EHD3: variants seen among roughly 807,000 people sequenced by gnomAD.
EHD3 encodes the protein EH domain-containing protein 3.
A neutral mutation model predicts 43.0 loss-of-function variants in EHD3; 17 were observed. The observed-to-expected ratio is 0.40, with a 90% CI of 0.27 to 0.59. The LOEUF is 0.59. Ranked by LOEUF, EHD3 falls within the 20% of genes least tolerant of loss-of-function variation. The probability of loss-of-function intolerance (pLI) is 0.49; values close to 1 mark genes in which losing one functional copy is unlikely to be tolerated. For synonymous variants in EHD3, 313 were observed against 289.5 expected (o/e 1.08, Z -0.82); for missense variants, 594 against 705.6 (o/e 0.84, Z 1.79).
chr2:31,244,105 A>G (rs954188676), intron 1 of EHD3, among the ~76,000 whole-genome samples, 169 bp from the exon 2 acceptor site: 4 of 152,142 alleles, frequency 2.6e-5, no homozygotes, highest in African/African-American at 9.7e-5. Context: ...CACCTCCTCT[A>G]CAAAGTTCTT....
Position 31,267,859 on chromosome 2 carries a change from C to G in EHD3, c.*1155C>G, listed in dbSNP as rs1683986035. ...GGCCAGCATTTGGTGGCCCATCAGTCTGGCCATCTGTCACGTCACAGAAGC... is the reference window on the plus strand; with the variant it reads ...GGCCAGCATTTGGTGGCCCATCAGTGTGGCCATCTGTCACGTCACAGAAGC... On this transcript the variant is annotated 3_prime_UTR_variant, in exon 6 of 6. Transcript: ENST00000322054. 6.6e-6 allele frequency: 1 copy of G among 152,278 alleles called. No individual in the cohort carries two copies. The highest frequency in any genetic ancestry group is 2.1e-4 in the South Asian group (1 of 4,828). The allele number at this position is 152,278 out of a possible 1,614,324, so 9.4% of individuals were successfully genotyped here.
At position 31,234,492 on chromosome 2, in the gene EHD3, G is replaced by T. The variant is rs145941772; in HGVS notation, c.-130G>T. 2.9e-6 allele frequency: 3 copies of T among 1,048,136 alleles called. No homozygotes were observed. Among genetic ancestry groups the T allele is most frequent in the Middle Eastern group, 2.5e-4 (1 of 4,066 alleles). The allele number at this position is 1,048,136 out of a possible 1,614,324, so 64.9% of individuals were successfully genotyped here. ...CCTAGCCGCGTGCCCGGGCCATGGT[G>T]CGGCTGAGCCCCGCGCTTGGGTGAG... On this transcript the variant is annotated 5_prime_UTR_variant, in exon 1 of 6. Transcript: ENST00000322054.
At chr2:31,256,717 C>T (rs986756280) in intron 3 of EHD3, among the ~76,000 whole-genome samples, 1 of 152,224 alleles carries the variant, frequency 6.6e-6, no homozygotes, top group African/African-American at 2.4e-5. Flanking sequence ...TCTCTTACAT[C>T]GCTGGTGTCA....
At chr2:31,255,932 G>A (rs142160432) in intron 3 of EHD3, among the ~76,000 whole-genome samples, 8 of 152,284 alleles carry the variant, frequency 5.3e-5, no homozygotes, top group African/African-American at 1.9e-4. Flanking sequence ...CTCTCTTGCT[G>A]TGCCTGCAAA....
At chr2:31,257,579 G>A (rs1231294511) in intron 3 of EHD3, among the ~76,000 whole-genome samples, 1 of 152,170 alleles carries the variant, frequency 6.6e-6, no homozygotes, top group Non-Finnish European at 1.5e-5. Context: ...CCCTGGAAGT[G>A]AGAACGATAC....
chr2:31,234,657 G>A lies in EHD3; in HGVS notation c.36G>A (p.Arg12=), dbSNP rs750818797. 2 of 1,614,168 alleles carry A rather than the reference G, an allele frequency of 1.2e-6. No homozygotes were observed. Among genetic ancestry groups the A allele is most frequent in the Non-Finnish European group, 1.7e-6 (2 of 1,180,026 alleles). ...GGCTGGGTACGGACGACCGCCGGAG[G>A]AAGGACCCCGAGGTTTTCCAGACGG... ...FSWLGTDDRR[R]KDPEVFQTVS... The change falls in exon 1 of 6, where the codon AGG becomes AGA. Residue 12 remains arginine (R), a synonymous_variant. Transcript: ENST00000322054.
In EHD3 at chr2:31,234,479, C is replaced by CCGCGTG. The variant is rs776910672; in HGVS notation, c.-142_-141insGCGTGC. The CCGCGTG allele has an allele frequency of 2.3e-3, 2,071 of 900,708 alleles. 9 individuals are homozygous for CCGCGTG. The highest frequency in any genetic ancestry group is 2.6e-3 in the Non-Finnish European group (1,600 of 603,862). 55.8% of individuals were successfully genotyped at this position (900,708 alleles called of 1,614,324 possible). On this transcript the variant is annotated 5_prime_UTR_variant, in exon 1 of 6. Coordinates refer to ENST00000322054, the MANE Select transcript of EHD3 (RefSeq NM_014600.3). ...CGCTCCCGGCCCTCCTAGCCGCGTG[C>CCGCGTG]CCGGGCCATGGTGCGGCTGAGCCCC...
intron 3 of EHD3, among the ~76,000 whole-genome samples, chr2:31,256,486 A>T (rs924390229): frequency 2.0e-5 from 3 of 152,194 alleles, no homozygotes; most frequent in African/African-American, 7.2e-5. Context: ...TGTGTGCCAC[A>T]CACCGTGCTG....
At chr2:31,240,730 G>A (rs1683406895) in intron 1 of EHD3, among the ~76,000 whole-genome samples, 1 of 152,212 alleles carries the variant, frequency 6.6e-6, no homozygotes, top group African/African-American at 2.4e-5. Context: ...ACGCCTGTGT[G>A]AGAAGGATCC....
intron 1 of EHD3, among the ~76,000 whole-genome samples, chr2:31,242,016 G>C (rs115911875): frequency 0.017 from 2,569 of 152,320 alleles, 75 homozygotes; most frequent in African/African-American, 0.058. Context: ...TGTGTGGCGG[G>C]TGGCCTTTGG....
In EHD3 at chr2:31,260,548, C is replaced by T. The variant is rs1355769114; in HGVS notation, c.541C>T (p.Arg181Trp). ...FAAVLEWFAE[R>W]VDRIILLFDA... Reference sequence around the variant, plus strand: ...AGCTGTCCTTGAGTGGTTTGCCGAGCGGGTTGACCGCATCATTCTGCTCTT... The same window carrying T: ...AGCTGTCCTTGAGTGGTTTGCCGAGTGGGTTGACCGCATCATTCTGCTCTT... Residue 181 changes from arginine to tryptophan, a missense_variant, in exon 4 of 6, where the codon CGG (arginine) becomes TGG (tryptophan). By Grantham distance (101) the Arg-to-Trp change is moderately radical. Transcript: ENST00000322054. The surrounding 1 kb of genome is among the most constrained non-coding windows in gnomAD (Gnocchi z 4.6). 6.2e-6 allele frequency: 10 copies of T among 1,611,516 alleles called. No homozygotes were observed. The highest frequency in any genetic ancestry group is 4.0e-5 in the African/African-American group (3 of 74,860).
intron 1 of EHD3, among the ~76,000 whole-genome samples, chr2:31,243,457 TTTC>T (rs1322115865): frequency 5.2e-4 from 59 of 112,518 alleles, no homozygotes; most frequent in African/African-American, 1.8e-3. Flanking sequence ...TCTTTCTTTC[TTTC>T]TTTTTTTTTT....
chr2:31,245,735 G>GTTTTT (rs765195110), intron 2 of EHD3, among the ~76,000 whole-genome samples: 40 of 68,312 alleles, frequency 5.9e-4, no homozygotes, highest in African/African-American at 1.5e-3. Flanking sequence ...CTAATTTTGT[G>GTTTTT]TTTTTTTTTT....
intron 3 of EHD3, among the ~76,000 whole-genome samples, chr2:31,255,543 C>A (rs1683733840): frequency 6.6e-6 from 1 of 152,198 alleles, no homozygotes; most frequent in South Asian, 2.1e-4. Context: ...TATACCATAC[C>A]CTTTTTCTTA....
intron 1 of EHD3, among the ~76,000 whole-genome samples, chr2:31,236,243 C>G (rs1305018035): frequency 6.6e-6 from 1 of 152,194 alleles, no homozygotes; most frequent in Non-Finnish European, 1.5e-5. Context: ...GCCTAGGGCT[C>G]AGCAGCTTTA....
At chr2:31,249,557 G>A in intron 3 of EHD3, 89 bp downstream of exon 3, 1 of 1,190,550 alleles carries the variant, frequency 8.4e-7, no homozygotes. Context: ...AGCACCCAGG[G>A]CCATGCTGTC....
chr2:31,247,123 C>T (rs1683538183), intron 2 of EHD3, among the ~76,000 whole-genome samples: 1 of 152,152 alleles, frequency 6.6e-6, no homozygotes, highest in African/African-American at 2.4e-5. Flanking sequence ...TCACAAACTC[C>T]TGGCCTCAAG....
chr2:31,237,353 A>G (rs944141484), intron 1 of EHD3, among the ~76,000 whole-genome samples: 5 of 152,060 alleles, frequency 3.3e-5, no homozygotes, highest in African/African-American at 1.2e-4. Flanking sequence ...TAGCTATTTT[A>G]TAGCACAGTT....
chr2:31,259,962 A>G (rs1048996360), intron 3 of EHD3, among the ~76,000 whole-genome samples: 2 of 152,196 alleles, frequency 1.3e-5, no homozygotes, highest in African/African-American at 4.8e-5. Context: ...GCACTTTGGG[A>G]GGCCAAGGCA....
Sources: gnomAD v4.1 joint callset for allele counts (sites outside exome capture counted in the v4.1 genomes callset) on GRCh38, gnomAD v4.1.1 for gene constraint, Gnocchi (gnomAD v3.1) non-coding constraint, MANE v1.5 for transcripts, NCBI Gene and HGNC (gene_info 2026-07-23, HGNC 2026-07-21) for gene names.